The following ZSCAN10 variants were observed in gnomAD, a reference collection of about 807,000 sequenced individuals.
ZSCAN10 encodes the protein zinc finger and SCAN domain containing 10, also known as zinc finger and SCAN domain-containing protein 10.
A neutral mutation model predicts 63.7 loss-of-function variants in ZSCAN10; 52 were observed. That is an observed-to-expected ratio of 0.82 (90% CI 0.65 to 1.03). The LOEUF is 1.03. Among genes scored for constraint, ZSCAN10 ranks in the 50% least tolerant of loss-of-function variants. The probability of loss-of-function intolerance (pLI) is 0.00; values close to 1 mark genes in which losing one functional copy is unlikely to be tolerated. For missense variants in ZSCAN10, 1,223 were observed against 1,103.8 expected, an observed-to-expected ratio of 1.11 and a Z score of -1.53; for synonymous variants, 544 against 479.6, an observed-to-expected ratio of 1.13 and a Z score of -1.76.
At position 3,088,922 on chromosome 16, in the gene ZSCAN10, T is replaced by A. The variant is rs967441115; in HGVS notation, c.*169A>T. ...GAAGGCCATTTTACTTCGGGCGTTT[T>A]AATTACATAGCTGAGGCCAGAAAGC... On this transcript the variant is annotated 3_prime_UTR_variant, in exon 6 of 6. Coordinates refer to ENST00000576985, the MANE Select transcript of ZSCAN10 (RefSeq NM_032805.3). The A allele has an allele frequency of 7.7e-7, 1 of 1,292,956 alleles. No individual in the cohort carries two copies. Among genetic ancestry groups the A allele is most frequent in the Non-Finnish European group, 9.9e-7 (1 of 1,008,802 alleles). 80.1% of individuals were successfully genotyped at this position (1,292,956 alleles called of 1,614,324 possible).
chr16:3,089,288 C>T lies in ZSCAN10; in HGVS notation c.2146G>A (p.Gly716Arg), dbSNP rs571695694. ...TGCGGGGGCTCGGCCTGCTCCTGCC[C>T]GGGCTCCGCATGGGTAGCCAGGTGC... ...RRHLATHAEP[G>R]QEQAEPPQEC... The change falls in exon 6 of 6, where the codon GGG becomes AGG. Residue 716 changes from glycine to arginine, a missense_variant. Coordinates refer to ENST00000576985, the MANE Select transcript of ZSCAN10 (RefSeq NM_032805.3). 1.8e-5 allele frequency: 28 copies of T among 1,563,368 alleles called. No individual in the cohort carries two copies. Among genetic ancestry groups the T allele is most frequent in the South Asian group, 2.4e-5 (2 of 84,732 alleles).
chr16:3,089,755 G>T lies in ZSCAN10; in HGVS notation c.1679C>A (p.Thr560Lys). The change falls in exon 6 of 6, where the codon ACG (threonine) becomes AAG (lysine). Residue 560 changes from threonine (T) to lysine (K), a missense_variant. Coordinates refer to ENST00000576985, the MANE Select transcript of ZSCAN10 (RefSeq NM_032805.3). ...FSCQACGRSF[T>K]QSSQLVSHQR... Reference sequence around the variant, plus strand: ...GTGGCTGACCAGCTGCGAGCTCTGCGTGAAGCTGCGGCCGCAAGCCTGGCA... The same window carrying T: ...GTGGCTGACCAGCTGCGAGCTCTGCTTGAAGCTGCGGCCGCAAGCCTGGCA... 1 of 1,597,934 alleles carries T rather than the reference G, an allele frequency of 6.3e-7. No individual in the cohort carries two copies.
rs1228991370 is a variant in ZSCAN10, at chr16:3,090,409, T to C, written c.1025A>G (p.Asn342Ser). Residue 342 changes from asparagine to serine, a missense_variant, in exon 6 of 6, where the codon AAT becomes AGT. Asn to Ser is a conservative substitution (Grantham distance 46). Transcript: ENST00000576985. ...VKVAEGVPEP[N>S]PELQFICADC... ...CGCGCAGATGAACTGCAACTCCGGA[T>C]TGGGCTCGGGGACGCCCTCAGCCAC... The C allele has an allele frequency of 3.1e-6, 5 of 1,613,598 alleles. No individual in the cohort carries two copies. The highest frequency in any genetic ancestry group is 1.7e-5 in the Admixed American group (1 of 60,004).
chr16:3,089,532 G>T lies in ZSCAN10; in HGVS notation c.1902C>A (p.Cys634Ter). The change falls in exon 6 of 6, where the codon TGC (cysteine) becomes TGA (stop). Residue 634 changes from cysteine to a stop codon, truncating the protein, a stop_gained. Transcript: ENST00000576985. LOFTEE classifies it high-confidence loss of function. ...HQRSHTGEKP[C>*]RCSECGEGFS... ...AGCCCTCACCGCACTCGCTGCAGCG[G>T]CAGGGCTTCTCGCCCGTGTGGCTGC... The T allele has an allele frequency of 1.2e-6, 2 of 1,602,732 alleles. No homozygotes were observed. The highest frequency in any genetic ancestry group is 8.5e-7 in the Non-Finnish European group (1 of 1,175,488).
chr16:3,097,950 G>A (rs1370799850), intron 1 of ZSCAN10, among the ~76,000 whole-genome samples: 1 of 148,972 alleles, frequency 6.7e-6, no homozygotes, highest in East Asian at 2.0e-4. Context: ...GGCCAAGGCA[G>A]AAGGATTGCT....
In ZSCAN10 at chr16:3,090,200, G is replaced by A. The variant is rs370920073; in HGVS notation, c.1234C>T (p.Arg412Cys). Residue 412 changes from arginine (R) to cysteine (C), a missense_variant, in exon 6 of 6, where the codon CGC (arginine) becomes TGC (cysteine). Transcript: ENST00000576985. ...CTCAGGTGCGAGCTCTGGCGGAAGC[G>A]GTGGCCGCACAGGTGGCAGGCGTGC... is the stretch of plus-strand genomic sequence containing the variant. Reference protein sequence around the residue: ...RPHACHLCGHRFRQSSHLSKH... With the variant: ...RPHACHLCGHCFRQSSHLSKH... The A allele has an allele frequency of 5.6e-6, 9 of 1,605,546 alleles. No individual in the cohort carries two copies. Among genetic ancestry groups the A allele is most frequent in the African/African-American group, 5.4e-5 (4 of 74,734 alleles).
Position 3,092,249 on chromosome 16 carries a change from G to T in ZSCAN10, c.464C>A (p.Ala155Asp), listed in dbSNP as rs763275617. The T allele has an allele frequency of 6.2e-7, 1 of 1,613,084 alleles. No homozygotes were observed. The highest frequency in any genetic ancestry group is 8.5e-7 in the Non-Finnish European group (1 of 1,180,016). ...GGGGCTGTGGCTGGGGACCTGGGAA[G>T]CACACCCCTTTTCCTCCAAGGTGAC... ...ADVTLEEKGC[A>D]SQVPSHSPKK... The change falls in exon 3 of 6, where the codon GCT becomes GAT. Residue 155 changes from alanine (A) to aspartate (D), a missense_variant. By Grantham distance (126) the Ala-to-Asp change is moderately radical. Transcript: ENST00000576985.
chr16:3,096,877 C>T (rs936807958), intron 1 of ZSCAN10, among the ~76,000 whole-genome samples: 1 of 148,796 alleles, frequency 6.7e-6, no homozygotes, highest in African/African-American at 2.5e-5. Context: ...TGCAGTGAGA[C>T]GAGATCGTGC....
At chr16:3,091,981 C>A in intron 3 of ZSCAN10, 68 bp downstream of exon 3, 1 of 1,562,052 alleles carries the variant, frequency 6.4e-7, no homozygotes, top group African/African-American at 1.4e-5. Context: ...CACTTCTCAC[C>A]CCACCCCAGA....
chr16:3,098,208 C>T (rs747688685), intron 1 of ZSCAN10, among the ~76,000 whole-genome samples: 9 of 152,034 alleles, frequency 5.9e-5, no homozygotes, highest in Non-Finnish European at 1.3e-4. Context: ...GCAGGAGCAG[C>T]GGGCAGGTAC....
Sources: allele counts gnomAD v4.1 joint callset (sites outside exome capture counted in the v4.1 genomes callset), GRCh38; gene constraint gnomAD v4.1.1; transcripts MANE v1.5; gene names NCBI Gene and HGNC (gene_info 2026-07-23, HGNC 2026-07-21).